Variants in ALDH5A1 observed in about 807,000 individuals in gnomAD.
The protein encoded by ALDH5A1 is succinate-semialdehyde dehydrogenase, mitochondrial.
A neutral mutation model predicts 54.7 loss-of-function variants in ALDH5A1; 33 were observed. The ratio of observed to expected loss-of-function variants is 0.60; its 90% CI spans 0.46 to 0.81. The LOEUF is 0.81. Among genes scored for constraint, ALDH5A1 ranks in the 30% least tolerant of loss-of-function variants. ALDH5A1 has a pLI of 0.00. For synonymous variants in ALDH5A1, 294 were observed against 292.7 expected, an observed-to-expected ratio of 1.00 and a Z score of -0.05; for missense variants, 657 against 711.0, an observed-to-expected ratio of 0.92 and a Z score of 0.86.
At chr6:24,510,688 G>A (rs1365704252) in intron 4 of ALDH5A1, among the ~76,000 whole-genome samples, 2 of 152,090 alleles carry the variant, frequency 1.3e-5, no homozygotes, top group Non-Finnish European at 2.9e-5. Context: ...TTAAGTTTCT[G>A]TGAGTCCTTA....
At chr6:24,522,570 A>G in intron 6 of ALDH5A1, 197 bp from the exon 7 acceptor site, 3 of 539,158 alleles carry the variant, frequency 5.6e-6, no homozygotes, top group Non-Finnish European at 3.4e-6. Flanking sequence ...CTGTGGAGGG[A>G]ACTGGAGGGG....
intron 1 of ALDH5A1, among the ~76,000 whole-genome samples, chr6:24,499,984 G>A (rs535850501): frequency 6.6e-6 from 1 of 152,168 alleles, no homozygotes; most frequent in Non-Finnish European, 1.5e-5. Context: ...TTCTGTGTGT[G>A]TGTGTGTAGA....
At chr6:24,508,745 A>G (rs138374414) in intron 4 of ALDH5A1, among the ~76,000 whole-genome samples, 52 of 152,296 alleles carry the variant, frequency 3.4e-4, no homozygotes, top group African/African-American at 1.2e-3. Context: ...AGCAATGTAG[A>G]AATGTTCCCT....
intron 1 of ALDH5A1, among the ~76,000 whole-genome samples, chr6:24,500,298 C>A (rs1460760740): frequency 6.6e-6 from 1 of 152,110 alleles, no homozygotes; most frequent in Non-Finnish European, 1.5e-5. Flanking sequence ...AAAACCCTTT[C>A]TTATGCCTCA....
chr6:24,525,047 C>T (rs1188303038), intron 7 of ALDH5A1, among the ~76,000 whole-genome samples: 2 of 152,088 alleles, frequency 1.3e-5, no homozygotes, highest in Non-Finnish European at 2.9e-5. Context: ...AGCGAGATTT[C>T]TTTTTTGCTG....
chr6:24,515,382 A>G lies in ALDH5A1; in HGVS notation c.870+72A>G, dbSNP rs1406029097. On this transcript the variant is annotated intron_variant, in intron 5 of 9. Transcript: ENST00000357578. ...TATCTTGATAGGTTATAAAAATACT[A>G]TTTCATCCTGATCACCAATTTTGGA... The G allele has an allele frequency of 5.8e-6, 9 of 1,545,120 alleles. No homozygotes were observed. The East Asian group carries it at 6.9e-5, about 12-fold the overall frequency.
intron 1 of ALDH5A1, among the ~76,000 whole-genome samples, chr6:24,497,859 A>G (rs1764744721): frequency 6.6e-6 from 1 of 152,194 alleles, no homozygotes; most frequent in African/African-American, 2.4e-5. Context: ...GATCTGATTT[A>G]CATTTTGAAA....
At chr6:24,495,519 G>A (rs1280829376) in intron 1 of ALDH5A1, among the ~76,000 whole-genome samples, 169 bp downstream of exon 1, 1 of 152,168 alleles carries the variant, frequency 6.6e-6, no homozygotes, top group Admixed American at 6.5e-5. Flanking sequence ...CGACAAATAA[G>A]TTTGGAGCTT....
At position 24,533,654 on chromosome 6, in the gene ALDH5A1, C is replaced by T. The variant is rs201614055; in HGVS notation, c.1550C>T (p.Ser517Phe). Residue 517 changes from serine (S) to phenylalanine (F), a missense_variant, in exon 10 of 10, where the codon TCC (serine) becomes TTC (phenylalanine). Coordinates refer to ENST00000357578, the MANE Select transcript of ALDH5A1 (RefSeq NM_001080.3). Reference sequence around the variant, plus strand: ...CAGTCCGGCCTTGGGCGAGAGGGGTCCAAGTATGGCATTGATGAGTATCTG... The same window carrying T: ...CAGTCCGGCCTTGGGCGAGAGGGGTTCAAGTATGGCATTGATGAGTATCTG... Reference protein sequence around the residue: ...VKQSGLGREGSKYGIDEYLEL... With the variant: ...VKQSGLGREGFKYGIDEYLEL... 5.6e-6 allele frequency: 9 copies of T among 1,613,818 alleles called. No homozygotes were observed. Among genetic ancestry groups the T allele is most frequent in the Non-Finnish European group, 7.6e-6 (9 of 1,179,980 alleles).
chr6:24,530,940 C>T (rs1037854625), intron 8 of ALDH5A1, among the ~76,000 whole-genome samples: 85 of 152,336 alleles, frequency 5.6e-4, no homozygotes, highest in Admixed American at 5.6e-3. Flanking sequence ...TGGGTGGTCT[C>T]GAGCTCGCTC....
intron 4 of ALDH5A1, among the ~76,000 whole-genome samples, chr6:24,510,395 T>C (rs1759438220): frequency 6.6e-6 from 1 of 152,226 alleles, no homozygotes; most frequent in Non-Finnish European, 1.5e-5. Flanking sequence ...GTGCTGTCAA[T>C]GGAGTATTGA....
At chr6:24,500,656 TA>T (rs1764801141) in intron 1 of ALDH5A1, among the ~76,000 whole-genome samples, 1 of 141,698 alleles carries the variant, frequency 7.1e-6, no homozygotes, top group African/African-American at 2.9e-5. Flanking sequence ...AAAATAATAA[TA>T]ATAATAATAA....
At chr6:24,515,381 T>A in intron 5 of ALDH5A1, 71 bp downstream of exon 5, 1 of 1,543,772 alleles carries the variant, frequency 6.5e-7, no homozygotes, top group South Asian at 1.1e-5. Flanking sequence ...ATAAAAATAC[T>A]ATTTCATCCT....
chr6:24,512,200 G>A (rs933473362), intron 4 of ALDH5A1, among the ~76,000 whole-genome samples: 5 of 152,192 alleles, frequency 3.3e-5, no homozygotes, highest in African/African-American at 7.2e-5. Flanking sequence ...GGGTCTCTCA[G>A]CCGTAGATAC....
At chr6:24,508,568 T>C (rs1190320839) in intron 4 of ALDH5A1, among the ~76,000 whole-genome samples, 1 of 152,112 alleles carries the variant, frequency 6.6e-6, no homozygotes, top group Non-Finnish European at 1.5e-5. Context: ...TGAATTGTGC[T>C]GCTATAAACG....
At chr6:24,526,463 A>T (rs1034363042) in intron 7 of ALDH5A1, among the ~76,000 whole-genome samples, 1 of 152,160 alleles carries the variant, frequency 6.6e-6, no homozygotes, top group South Asian at 2.1e-4. Context: ...ATAATAATAA[A>T]AAAAGAAGTA....
intron 8 of ALDH5A1, among the ~76,000 whole-genome samples, 167 bp downstream of exon 8, chr6:24,528,333 C>G (rs778710330): frequency 6.6e-6 from 1 of 152,162 alleles, no homozygotes; most frequent in South Asian, 2.1e-4. Flanking sequence ...AAAATCATAA[C>G]TTATTTGGAC....
At chr6:24,505,040 T>G (rs1759311441) in intron 4 of ALDH5A1, 55 bp downstream of exon 4, 2 of 1,583,908 alleles carry the variant, frequency 1.3e-6, no homozygotes, top group Non-Finnish European at 8.7e-7. Context: ...AAATTGATGT[T>G]TATCTGGGAC....
intron 1 of ALDH5A1, among the ~76,000 whole-genome samples, chr6:24,499,821 G>A (rs1466287685): frequency 6.6e-6 from 1 of 152,056 alleles, no homozygotes; most frequent in Non-Finnish European, 1.5e-5. Context: ...ACCATGCCCG[G>A]GTAATTTTTT....
Sources: gnomAD v4.1 joint callset for allele counts (sites outside exome capture counted in the v4.1 genomes callset) on GRCh38, gnomAD v4.1.1 for gene constraint, MANE v1.5 for transcripts, NCBI Gene and HGNC (gene_info 2026-07-23, HGNC 2026-07-21) for gene names.